Variants in FAM163B observed in about 807,000 individuals in gnomAD.
FAM163B encodes the protein protein FAM163B.
Under a neutral mutation model 7.6 loss-of-function variants are expected in FAM163B, and 4 were observed. The observed-to-expected ratio is 0.52, with a 90% CI of 0.26 to 1.20. FAM163B has a LOEUF of 1.20. FAM163B is among the 50% of genes most tolerant of loss of function. The probability of loss-of-function intolerance (pLI) is 0.14; values close to 1 mark genes in which losing one functional copy is unlikely to be tolerated. For synonymous variants in FAM163B, 120 were observed against 111.6 expected (o/e 1.07, Z -0.47); for missense variants, 250 against 243.0 (o/e 1.03, Z -0.19).
intron 1 of FAM163B, among the ~76,000 whole-genome samples, chr9:133,607,770 A>T (rs115585167): frequency 0.069 from 10,488 of 152,230 alleles, 374 homozygotes; most frequent in Middle Eastern, 0.12. Context: ...CAAGTGCAAG[A>T]CCGAATGAAC....
chr9:133,586,739 G>T (rs1831444451), intron 1 of FAM163B, among the ~76,000 whole-genome samples: 2 of 152,226 alleles, frequency 1.3e-5, no homozygotes, highest in African/African-American at 4.8e-5. Context: ...GAGCTGCTGG[G>T]CAGTTGGGTA....
At chr9:133,602,084 C>A (rs1317634009) in intron 1 of FAM163B, among the ~76,000 whole-genome samples, 1 of 151,980 alleles carries the variant, frequency 6.6e-6, no homozygotes, top group African/African-American at 2.4e-5. Flanking sequence ...CCCCCGCCCC[C>A]CCAAACACAC....
chr9:133,607,646 G>T (rs79454801), intron 1 of FAM163B, among the ~76,000 whole-genome samples: 1 of 152,154 alleles, frequency 6.6e-6, no homozygotes, highest in Non-Finnish European at 1.5e-5. Context: ...TAGACAAGCC[G>T]GCCCCATTGG....
intron 1 of FAM163B, among the ~76,000 whole-genome samples, chr9:133,603,123 AT>A (rs1183813778): frequency 6.6e-6 from 1 of 152,258 alleles, no homozygotes; most frequent in Non-Finnish European, 1.5e-5. Flanking sequence ...AAGTTCCCTA[AT>A]GAATCAAGTG....
At chr9:133,605,004 G>A (rs927845201) in intron 1 of FAM163B, among the ~76,000 whole-genome samples, 1 of 152,244 alleles carries the variant, frequency 6.6e-6, no homozygotes, top group Non-Finnish European at 1.5e-5. Context: ...CGATGATCCT[G>A]CCTGTGTGTG....
chr9:133,579,802 CAG>C (rs1831327299), intron 2 of FAM163B, among the ~76,000 whole-genome samples: 1 of 152,348 alleles, frequency 6.6e-6, no homozygotes. Flanking sequence ...CCTCATCTCT[CAG>C]GGAGACATGG....
chr9:133,584,131 C>A (rs1267651529), intron 1 of FAM163B, among the ~76,000 whole-genome samples: 1 of 152,114 alleles, frequency 6.6e-6, no homozygotes, highest in Non-Finnish European at 1.5e-5. Flanking sequence ...TAATACACAC[C>A]ACAGAACTTC....
At chr9:133,590,376 C>T (rs1013277980) in intron 1 of FAM163B, among the ~76,000 whole-genome samples, 4 of 151,984 alleles carry the variant, frequency 2.6e-5, no homozygotes, top group Non-Finnish European at 5.9e-5. Context: ...CTTGCTGGAA[C>T]GACCAGAGCT....
chr9:133,594,687 G>C (rs764417248), intron 1 of FAM163B, among the ~76,000 whole-genome samples: 17 of 152,158 alleles, frequency 1.1e-4, no homozygotes, highest in South Asian at 2.1e-4. Context: ...AGTCCTGTGG[G>C]GGGACATGAA....
intron 1 of FAM163B, among the ~76,000 whole-genome samples, chr9:133,605,230 C>T (rs1588335560): frequency 6.6e-6 from 1 of 152,174 alleles, no homozygotes; most frequent in Non-Finnish European, 1.5e-5. Context: ...ACATCAGAGG[C>T]GGATGTAATG....
chr9:133,592,680 G>T (rs1009305384), intron 1 of FAM163B, among the ~76,000 whole-genome samples: 3 of 152,200 alleles, frequency 2.0e-5, no homozygotes, highest in African/African-American at 7.2e-5. Flanking sequence ...ACCAGTCTGT[G>T]TCTCCCCCAG....
intron 1 of FAM163B, among the ~76,000 whole-genome samples, chr9:133,591,194 C>T (rs1038861077): frequency 6.6e-6 from 1 of 152,250 alleles, no homozygotes; most frequent in African/African-American, 2.4e-5. Context: ...CCAGGGCAGC[C>T]TCTTCCGCAG....
intron 1 of FAM163B, among the ~76,000 whole-genome samples, chr9:133,604,744 C>T (rs1245773294): frequency 6.6e-6 from 1 of 151,026 alleles, no homozygotes. Flanking sequence ...CTGCATTTCT[C>T]ACGGGTTCCT....
At chr9:133,596,253 G>A (rs1161381411) in intron 1 of FAM163B, among the ~76,000 whole-genome samples, 2 of 152,178 alleles carry the variant, frequency 1.3e-5, no homozygotes, top group African/African-American at 2.4e-5. Context: ...TGTGCGGGGA[G>A]CCCCCGAGTT....
At chr9:133,585,176 A>G (rs1396630430) in intron 1 of FAM163B, among the ~76,000 whole-genome samples, 1 of 152,130 alleles carries the variant, frequency 6.6e-6, no homozygotes, top group East Asian at 1.9e-4. Context: ...TACAAGCTTC[A>G]GTTGTCTCCT....
Position 133,578,790 on chromosome 9 carries a change from C to T in FAM163B, c.*232G>A. The T allele has an allele frequency of 2.8e-6, 2 of 712,802 alleles. No individual in the cohort carries two copies. Among genetic ancestry groups the T allele is most frequent in the East Asian group, 3.0e-5 (1 of 33,556 alleles). The allele number at this position is 712,802 out of a possible 1,614,324, so 44.2% of individuals were successfully genotyped here. A position where few individuals can be genotyped will look rare whatever the true frequency, so the allele number is the denominator to read the frequency against. ...CAGCCGGCTGTATGGTCACCTGGTC[C>T]TTCTAGCCCCAGGCCCCAGCTGTGC... is the stretch of plus-strand genomic sequence containing the variant. On this transcript the variant is annotated 3_prime_UTR_variant, in exon 3 of 3. Transcript: ENST00000673969.
chr9:133,580,231 C>T lies in FAM163B; in HGVS notation c.-8G>A, dbSNP rs1340098918. ...CACGGTCCCGGCTGTCATCCGCCCC[C>T]TTCTCCATCAACAGCCTGCAACACA... On this transcript the variant is annotated 5_prime_UTR_variant, in exon 2 of 3. Coordinates refer to ENST00000673969, the MANE Select transcript of FAM163B (RefSeq NM_001080515.3). 4 of 1,612,744 alleles carry T rather than the reference C, an allele frequency of 2.5e-6. No individual in the cohort carries two copies. In the African/African-American group the frequency reaches 5.3e-5, roughly 22 times the overall value.
At chr9:133,589,816 A>G (rs1831509798) in intron 1 of FAM163B, among the ~76,000 whole-genome samples, 1 of 150,734 alleles carries the variant, frequency 6.6e-6, no homozygotes, top group Non-Finnish European at 1.5e-5. Flanking sequence ...CCAGGGCTTC[A>G]GGCCGCCAGG....
intron 1 of FAM163B, among the ~76,000 whole-genome samples, chr9:133,598,034 C>G (rs566527192): frequency 1.1e-4 from 16 of 152,090 alleles, no homozygotes; most frequent in Middle Eastern, 6.8e-3. Flanking sequence ...TTCTGATTTT[C>G]TCACTGGGTT....
Sources: allele counts gnomAD v4.1 joint callset (sites outside exome capture counted in the v4.1 genomes callset), GRCh38; gene constraint gnomAD v4.1.1; transcripts MANE v1.5; gene names NCBI Gene and HGNC (gene_info 2026-07-23, HGNC 2026-07-21).